The following EPHA5 variants were observed in gnomAD, a reference collection of about 807,000 sequenced individuals.
EPHA5 encodes EPH receptor A5, also known as ephrin type-A receptor 5.
Under a neutral mutation model 105.0 loss-of-function variants are expected in EPHA5, and 60 were observed. The observed-to-expected ratio is 0.57, with a 90% CI of 0.46 to 0.71. EPHA5 has a LOEUF of 0.71. Ranked by LOEUF, EPHA5 falls within the 30% of genes least tolerant of loss-of-function variation. The pLI is 0.00. For missense variants in EPHA5, 1,218 were observed against 1,274.7 expected (o/e 0.96, Z 0.68); for synonymous variants, 513 against 449.1 (o/e 1.14, Z -1.80).
At position 65,561,232 on chromosome 4, in the gene EPHA5, GC is replaced by G. The variant is rs201886407; in HGVS notation, c.910+40408del. 7.9e-3 allele frequency among the ~76,000 whole-genome samples: 1,191 copies of G among 151,692 alleles called. 13 individuals are homozygous for G. The highest frequency in any genetic ancestry group is 0.027 in the African/African-American group (1,107 of 41,368). Reference sequence around the variant, plus strand: ...TCCCCTTGTTCTTAAAAATAAATGAGCTTTGTAAGATATTATTTATCTAAGA... The same window carrying G: ...TCCCCTTGTTCTTAAAAATAAATGAGTTTGTAAGATATTATTTATCTAAGA... On this transcript the variant is annotated intron_variant, in intron 3 of 16. Transcript: ENST00000613740.
At chr4:65,536,187 T>C (rs1377191815) in intron 3 of EPHA5, among the ~76,000 whole-genome samples, 1 of 151,962 alleles carries the variant, frequency 6.6e-6, no homozygotes, top group Non-Finnish European at 1.5e-5. Context: ...GGTGGATCTA[T>C]CGCTGCCCCA....
chr4:65,387,972 C>CCCTCCCT (rs1338419222), intron 8 of EPHA5, among the ~76,000 whole-genome samples: 1 of 80,784 alleles, frequency 1.2e-5, no homozygotes, highest in Non-Finnish European at 2.4e-5. Flanking sequence ...CCCCCCTCCC[C>CCCTCCCT]CCACCCCACA....
At chr4:65,516,126 GT>G (rs1043944813) in intron 3 of EPHA5, among the ~76,000 whole-genome samples, 5 of 152,096 alleles carry the variant, frequency 3.3e-5, no homozygotes, top group African/African-American at 1.2e-4. Flanking sequence ...CAATGTGGGG[GT>G]TGAGGCATCG....
intron 8 of EPHA5, among the ~76,000 whole-genome samples, chr4:65,392,590 T>C (rs1720828876): frequency 6.6e-6 from 1 of 152,110 alleles, no homozygotes; most frequent in African/African-American, 2.4e-5. Flanking sequence ...CATGTCCAGA[T>C]GTCAAAGAAA....
chr4:65,604,222 T>A (rs1260485017), intron 2 of EPHA5, among the ~76,000 whole-genome samples: 1 of 152,164 alleles, frequency 6.6e-6, no homozygotes, highest in African/African-American at 2.4e-5. Flanking sequence ...GCCAAGCAAT[T>A]CAGCCTTTGT....
chr4:65,606,947 C>A (rs554513381), intron 2 of EPHA5, among the ~76,000 whole-genome samples: 1 of 152,112 alleles, frequency 6.6e-6, no homozygotes, highest in Non-Finnish European at 1.5e-5. Flanking sequence ...ACCTAACTGC[C>A]TCTTTAAATA....
At chr4:65,471,179 T>A (rs990821397) in intron 5 of EPHA5, among the ~76,000 whole-genome samples, 4 of 152,184 alleles carry the variant, frequency 2.6e-5, no homozygotes, top group Non-Finnish European at 5.9e-5. Flanking sequence ...CTCCTTTAAA[T>A]TTAATTTGGA....
intron 8 of EPHA5, among the ~76,000 whole-genome samples, chr4:65,399,682 G>A (rs768589971): frequency 1.3e-5 from 2 of 152,220 alleles, no homozygotes; most frequent in East Asian, 3.8e-4. Flanking sequence ...GGGTGGAAAA[G>A]TACATGTGTG....
At chr4:65,473,487 A>G (rs1366459520) in intron 5 of EPHA5, among the ~76,000 whole-genome samples, 12 of 152,196 alleles carry the variant, frequency 7.9e-5, no homozygotes, top group Admixed American at 7.9e-4. Flanking sequence ...TTGGCAGAAG[A>G]AGAAACAGAC....
At chr4:65,485,763 G>A (rs571808855) in intron 5 of EPHA5, among the ~76,000 whole-genome samples, 4 of 152,086 alleles carry the variant, frequency 2.6e-5, no homozygotes, top group East Asian at 1.9e-4. Context: ...AATGCAGAGA[G>A]AAATACCACA....
chr4:65,345,854 G>A (rs977487902), intron 14 of EPHA5, among the ~76,000 whole-genome samples: 27 of 151,930 alleles, frequency 1.8e-4, no homozygotes, highest in African/African-American at 6.0e-4. Context: ...CTCACTGCAA[G>A]CTCTGCCTCC....
chr4:65,416,798 A>G (rs1723427196), intron 6 of EPHA5, among the ~76,000 whole-genome samples: 1 of 152,216 alleles, frequency 6.6e-6, no homozygotes, highest in South Asian at 2.1e-4. Flanking sequence ...AGGGAAGCAT[A>G]TATCTAGTGG....
chr4:65,551,092 A>G (rs1488849928), intron 3 of EPHA5, among the ~76,000 whole-genome samples: 1 of 151,868 alleles, frequency 6.6e-6, no homozygotes, highest in Non-Finnish European at 1.5e-5. Context: ...GTATATTCAC[A>G]TATATGTGTA....
chr4:65,452,126 T>G (rs1347874536), intron 5 of EPHA5, among the ~76,000 whole-genome samples: 1 of 152,142 alleles, frequency 6.6e-6, no homozygotes, highest in Non-Finnish European at 1.5e-5. Context: ...ATAAAATTAA[T>G]TCCATTGAAA....
chr4:65,337,074 AT>A (rs1048712494), intron 14 of EPHA5, among the ~76,000 whole-genome samples: 18 of 151,734 alleles, frequency 1.2e-4, no homozygotes, highest in African/African-American at 1.9e-4. Context: ...GATAATTTTA[AT>A]TTTTTTTTCT....
At chr4:65,606,534 CTAAG>C (rs1421414771) in intron 2 of EPHA5, among the ~76,000 whole-genome samples, 1 of 151,940 alleles carries the variant, frequency 6.6e-6, no homozygotes, top group Non-Finnish European at 1.5e-5. Context: ...ATTAAAAACA[CTAAG>C]TATTTATTAA....
At chr4:65,524,053 T>G (rs1735010832) in intron 3 of EPHA5, among the ~76,000 whole-genome samples, 1 of 151,804 alleles carries the variant, frequency 6.6e-6, no homozygotes, top group South Asian at 2.1e-4. Context: ...ATGTAAAAAT[T>G]TTACTAATGG....
chr4:65,596,722 C>G (rs2149427608), intron 3 of EPHA5, among the ~76,000 whole-genome samples: 1 of 151,270 alleles, frequency 6.6e-6, no homozygotes, highest in Admixed American at 6.6e-5. Context: ...ACAACACACA[C>G]AGGCACCATT....
At chr4:65,367,235 T>TAAAA in intron 9 of EPHA5, 122 bp downstream of exon 9, 1 of 845,862 alleles carries the variant, frequency 1.2e-6, no homozygotes, top group Non-Finnish European at 1.8e-6. Flanking sequence ...TAGAACACTT[T>TAAAA]TAAAAAAAAA....
Sources: allele counts gnomAD v4.1 joint callset (sites outside exome capture counted in the v4.1 genomes callset), GRCh38; gene constraint gnomAD v4.1.1; transcripts MANE v1.5; gene names NCBI Gene and HGNC (gene_info 2026-07-23, HGNC 2026-07-21).